The following MIER3 variants were observed in gnomAD, a reference collection of about 807,000 sequenced individuals.
The protein encoded by MIER3 is mesoderm induction early response protein 3.
A neutral mutation model predicts 63.2 loss-of-function variants in MIER3; 9 were observed. The observed-to-expected ratio is 0.14, with a 90% CI of 0.09 to 0.25. The LOEUF is 0.25. Among genes scored for constraint, MIER3 ranks in the 10% least tolerant of loss-of-function variants. MIER3 has a pLI of 1.00. For missense variants in MIER3, 512 were observed against 666.2 expected (o/e 0.77, Z 2.55); for synonymous variants, 205 against 224.9 (o/e 0.91, Z 0.79).
chr5:56,924,191 G>T, intron 10 of MIER3, 149 bp from the exon 11 acceptor site: 1 of 764,694 alleles, frequency 1.3e-6, no homozygotes, highest in South Asian at 2.5e-5. Context: ...ATAAAGTTCT[G>T]AACACTTTGA....
In MIER3 at chr5:56,922,836, A is replaced by G; in HGVS notation, c.*292T>C. Reference sequence around the variant, plus strand: ...GTGGGGAACACAAAAGAATAGAAAAAGAAGGGAGTGGGGAAGAGGTATTGG... The same window carrying G: ...GTGGGGAACACAAAAGAATAGAAAAGGAAGGGAGTGGGGAAGAGGTATTGG... On this transcript the variant is annotated 3_prime_UTR_variant, in exon 13 of 13. Transcript: ENST00000381199. 2.9e-6 allele frequency: 1 copy of G among 342,288 alleles called. No homozygotes were observed. Among genetic ancestry groups the G allele is most frequent in the Non-Finnish European group, 5.5e-6 (1 of 183,476 alleles). The allele number at this position is 342,288 out of a possible 1,614,324, so 21.2% of individuals were successfully genotyped here. A position where few individuals can be genotyped will look rare whatever the true frequency, so the allele number is the denominator to read the frequency against.
At chr5:56,944,460 G>A (rs56790430) in intron 3 of MIER3, among the ~76,000 whole-genome samples, 1,869 of 151,274 alleles carry the variant, frequency 0.012, 23 homozygotes, top group African/African-American at 0.035. Context: ...CAGCCTGGGC[G>A]ACAGAGCGAG....
At position 56,935,651 on chromosome 5, in the gene MIER3, A is replaced by G. The variant is rs747642307; in HGVS notation, c.522+15T>C. ...TTTAAAAGCCAATTTAGTCCACTAT[A>G]TTAACTCAGCTTACCTTCCTCAAAT... On this transcript the variant is annotated intron_variant, in intron 6 of 12. Coordinates refer to ENST00000381199, the MANE Select transcript of MIER3 (RefSeq NM_001297599.2). 1.2e-6 allele frequency: 2 copies of G among 1,609,188 alleles called. No homozygotes were observed. The highest frequency in any genetic ancestry group is 2.2e-5 in the South Asian group (2 of 90,650).
intron 8 of MIER3, among the ~76,000 whole-genome samples, chr5:56,931,719 C>T (rs1750274024): frequency 6.6e-6 from 1 of 151,952 alleles, no homozygotes; most frequent in African/African-American, 2.4e-5. Flanking sequence ...ACTGTTATTA[C>T]CAAATATCTC....
chr5:56,949,669 G>C (rs1308201512), intron 2 of MIER3, among the ~76,000 whole-genome samples: 1 of 152,176 alleles, frequency 6.6e-6, no homozygotes, highest in South Asian at 2.1e-4. Context: ...AAAAGTAATA[G>C]TGTAAGGAAA....
chr5:56,935,567 A>G (rs1750414527), intron 6 of MIER3, 67 bp from the exon 7 acceptor site: 4 of 1,502,114 alleles, frequency 2.7e-6, no homozygotes, highest in South Asian at 2.5e-5. Flanking sequence ...GCCCCATATC[A>G]TTAATCAGTT....
chr5:56,952,086 C>T lies in MIER3; in HGVS notation c.9+8G>A. 7.7e-7 allele frequency: 1 copy of T among 1,304,078 alleles called. No individual in the cohort carries two copies. Among genetic ancestry groups the T allele is most frequent in the Non-Finnish European group, 9.9e-7 (1 of 1,008,522 alleles). The allele number at this position is 1,304,078 out of a possible 1,614,324, so 80.8% of individuals were successfully genotyped here. On this transcript the variant is annotated splice_region_variant and intron_variant, in intron 1 of 12. Coordinates refer to ENST00000381199, the MANE Select transcript of MIER3 (RefSeq NM_001297599.2). ...GCCCGGCTGCTCCTGCCCGGTTTCC[C>T]TGCTCACCTCCGCCATATTGGTACC... is the stretch of plus-strand genomic sequence containing the variant.
rs188807633 is a variant in MIER3, at chr5:56,940,790, T to C, written c.181-1773A>G. ...TTTTTCTTCCAAACCAAAGAATCCA[T>C]TGAAGCTAACAAGACTCAAATTTAG... On this transcript the variant is annotated intron_variant, in intron 3 of 12. Transcript: ENST00000381199. Among the ~76,000 whole-genome samples, 28 of 152,336 alleles carry C rather than the reference T, an allele frequency of 1.8e-4. No individual in the cohort carries two copies. The East Asian group carries it at 3.7e-3, about 20-fold the overall frequency.
Position 56,930,816 on chromosome 5 carries a change from G to A in MIER3, c.748-71C>T, listed in dbSNP as rs144439504. On this transcript the variant is annotated intron_variant, in intron 8 of 12. Transcript: ENST00000381199. ...AGCATTTTAAAAAACAGGTGTAAGA[G>A]TTTTGATAAATATTGGAGTCTTGAT... is the stretch of plus-strand genomic sequence containing the variant. 730 of 1,237,960 alleles carry A rather than the reference G, an allele frequency of 5.9e-4. 4 individuals are homozygous for A. In the African/African-American group the frequency reaches 8.0e-3, roughly 14 times the overall value. The allele number at this position is 1,237,960 out of a possible 1,614,324, so 76.7% of individuals were successfully genotyped here.
Position 56,930,755 on chromosome 5 carries a change from A to G in MIER3, c.748-10T>C, listed in dbSNP as rs1218971708. On this transcript the variant is annotated splice_polypyrimidine_tract_variant and intron_variant, in intron 8 of 12. Coordinates refer to ENST00000381199, the MANE Select transcript of MIER3 (RefSeq NM_001297599.2). ...GAAGTTCATATAATGCCTGGGATGG[A>G]TATTCAATAAAAAGTATTAAAAGTT... 1 of 1,607,402 alleles carries G rather than the reference A, an allele frequency of 6.2e-7. No individual in the cohort carries two copies.
intron 3 of MIER3, among the ~76,000 whole-genome samples, chr5:56,944,356 CTA>C (rs928171649): frequency 3.3e-5 from 5 of 152,094 alleles, no homozygotes; most frequent in Middle Eastern, 6.8e-3. Context: ...TGGCGGGCAC[CTA>C]TAGTCCCAGC....
chr5:56,925,417 G>C lies in MIER3; in HGVS notation c.925-1375C>G, dbSNP rs1290228530. ...ATAAGCACTTACAGCAAAGTTTCAG[G>C]AGACAAGGTTAATACACAAAAGTCA... is the stretch of plus-strand genomic sequence containing the variant. On this transcript the variant is annotated intron_variant, in intron 10 of 12. Transcript: ENST00000381199. 7 of 434,122 alleles carry C rather than the reference G, an allele frequency of 1.6e-5. No homozygotes were observed. In the Admixed American group the frequency reaches 1.9e-4, roughly 12 times the overall value. The allele number at this position is 434,122 out of a possible 1,614,324, so 26.9% of individuals were successfully genotyped here. A position where few individuals can be genotyped will look rare whatever the true frequency, so the allele number is the denominator to read the frequency against.
chr5:56,937,221 G>A (rs964773567), intron 5 of MIER3, among the ~76,000 whole-genome samples: 2 of 152,000 alleles, frequency 1.3e-5, no homozygotes, highest in East Asian at 3.9e-4. Flanking sequence ...GATTACAAGT[G>A]CATGCCACCA....
At chr5:56,952,152 G>A, upstream of MIER3, 1 of 1,199,864 alleles carries the variant, frequency 8.3e-7, no homozygotes, top group Middle Eastern at 2.8e-4. Context: ...TCCCCGGATG[G>A]GGCGCCTGAG....
At chr5:56,926,363 C>A (rs1749981475) in intron 10 of MIER3, among the ~76,000 whole-genome samples, 1 of 151,460 alleles carries the variant, frequency 6.6e-6, no homozygotes, top group African/African-American at 2.4e-5. Context: ...GGACTAGAAT[C>A]CAAAATATAC....
chr5:56,937,789 C>A (rs914228796), intron 4 of MIER3, 91 bp from the exon 5 acceptor site: 7 of 1,110,226 alleles, frequency 6.3e-6, no homozygotes, highest in Non-Finnish European at 7.2e-6. Context: ...CATTAAGAAG[C>A]AGTTGGAACC....
chr5:56,937,328 C>T (rs188682756), intron 5 of MIER3, among the ~76,000 whole-genome samples: 3 of 152,274 alleles, frequency 2.0e-5, no homozygotes, highest in African/African-American at 2.4e-5. Flanking sequence ...CTGTCTGCCT[C>T]GGCCTCCCAA....
intron 2 of MIER3, among the ~76,000 whole-genome samples, chr5:56,947,836 T>C (rs1459256257): frequency 2.0e-5 from 3 of 152,220 alleles, no homozygotes; most frequent in Non-Finnish European, 4.4e-5. Flanking sequence ...TTTATAAAAC[T>C]ATAATATCTT....
At chr5:56,951,889 C>G (rs1751049153) in intron 1 of MIER3, among the ~76,000 whole-genome samples, 2 of 150,492 alleles carry the variant, frequency 1.3e-5, no homozygotes, top group African/African-American at 2.4e-5. Flanking sequence ...GGCCTAGTCC[C>G]GGAGGGAGAC....
Sources: gnomAD v4.1 joint callset for allele counts (sites outside exome capture counted in the v4.1 genomes callset) on GRCh38, gnomAD v4.1.1 for gene constraint, MANE v1.5 for transcripts, NCBI Gene and HGNC (gene_info 2026-07-23, HGNC 2026-07-21) for gene names.